PCSK5: variants seen among roughly 807,000 people sequenced by gnomAD.
PCSK5 encodes the protein prohormone convertase 5.
In PCSK5, 129 loss-of-function variants were observed where a neutral mutation model predicts 233.2. The ratio of observed to expected loss-of-function variants is 0.55; its 90% CI spans 0.48 to 0.64. The LOEUF is 0.64. PCSK5 is among the 30% of genes least tolerant of loss of function. The pLI is 0.00. For missense variants in PCSK5, 2,076 were observed against 2,430.1 expected (o/e 0.85, Z 3.06); for synonymous variants, 825 against 879.2 (o/e 0.94, Z 1.09).
intron 35 of PCSK5, among the ~76,000 whole-genome samples, chr9:76,342,306 G>T (rs1829856563): frequency 6.6e-6 from 1 of 152,088 alleles, no homozygotes. Context: ...ATGCCTGGTG[G>T]GATGGCAGGA....
intron 9 of PCSK5, among the ~76,000 whole-genome samples, chr9:76,125,467 A>T (rs984089624): frequency 4.6e-5 from 7 of 152,232 alleles, no homozygotes; most frequent in African/African-American, 1.7e-4. Context: ...TATGACTTTG[A>T]GGAAGATCGT....
Position 76,277,612 on chromosome 9 carries a change from T to A in PCSK5, c.3143-14621T>A, listed in dbSNP as rs143997800. On this transcript the variant is annotated intron_variant, in intron 24 of 37. Transcript: ENST00000674117. ...GTTGCACCATTTGCATTACTGCCGA[T>A]TCAAACATTTATTCATTATCCCTGG... is the stretch of plus-strand genomic sequence containing the variant. Among the ~76,000 whole-genome samples, 53 of 152,328 alleles carry A rather than the reference T, an allele frequency of 3.5e-4. 1 individual carries two copies. The highest frequency in any genetic ancestry group is 1.2e-3 in the African/African-American group (51 of 41,584).
chr9:76,292,378 G>A (rs1051824048), intron 25 of PCSK5, 103 bp downstream of exon 25: 20 of 764,066 alleles, frequency 2.6e-5, no homozygotes, highest in Non-Finnish European at 4.5e-5. Flanking sequence ...CCTGCAGCCC[G>A]AAGCAACTCT....
At chr9:76,175,426 T>C in intron 14 of PCSK5, 2 of 419,702 alleles carry the variant, frequency 4.8e-6, no homozygotes, top group Non-Finnish European at 8.4e-6. Context: ...CAAATATCCA[T>C]ATGTGTTATC....
intron 7 of PCSK5, among the ~76,000 whole-genome samples, chr9:76,086,060 A>C (rs777829144): frequency 2.0e-5 from 3 of 152,204 alleles, no homozygotes; most frequent in African/African-American, 7.2e-5. Context: ...CAGTTTCAAC[A>C]TTGGTAATCA....
At chr9:76,069,670 A>G (rs551080384) in intron 6 of PCSK5, among the ~76,000 whole-genome samples, 1 of 152,280 alleles carries the variant, frequency 6.6e-6, no homozygotes, top group Admixed American at 6.5e-5. Context: ...TATGATTTAC[A>G]AGCATTTTTT....
At chr9:75,965,429 A>G (rs555994918) in intron 2 of PCSK5, among the ~76,000 whole-genome samples, 1 of 152,262 alleles carries the variant, frequency 6.6e-6, no homozygotes, top group Non-Finnish European at 1.5e-5. Context: ...CCTGAGTCCA[A>G]AGGTCTGAGA....
chr9:76,130,109 A>C (rs1006523499), intron 9 of PCSK5, among the ~76,000 whole-genome samples: 4 of 152,150 alleles, frequency 2.6e-5, no homozygotes, highest in Non-Finnish European at 5.9e-5. Flanking sequence ...ACTATTATAA[A>C]AATCATATGA....
intron 35 of PCSK5, among the ~76,000 whole-genome samples, chr9:76,340,374 G>A (rs1390035464): frequency 1.3e-5 from 2 of 152,012 alleles, no homozygotes; most frequent in African/African-American, 2.4e-5. Flanking sequence ...AGCCAGGCGC[G>A]GTGGCTCACA....
chr9:75,951,446 A>G (rs542357184), intron 2 of PCSK5, among the ~76,000 whole-genome samples: 2 of 152,296 alleles, frequency 1.3e-5, no homozygotes, highest in South Asian at 2.1e-4. Flanking sequence ...GTCCAATTCA[A>G]GTGTGTAGTT....
intron 13 of PCSK5, among the ~76,000 whole-genome samples, chr9:76,171,404 C>G (rs1248405478): frequency 6.6e-6 from 1 of 152,130 alleles, no homozygotes; most frequent in Non-Finnish European, 1.5e-5. Flanking sequence ...AGTTGTGTAC[C>G]AAGGAAGGTG....
rs397703449 is a variant in PCSK5 at position 76,182,538 on chromosome 9, T to TTTC, written c.2197+947_2197+948insTTC. Among the ~76,000 whole-genome samples the TTTC allele has an allele frequency of 1.1e-3, 173 of 151,558 alleles. 1 individual carries two copies. The highest frequency in any genetic ancestry group is 3.8e-3 in the African/African-American group (156 of 41,376). Reference sequence around the variant, plus strand: ...AGAATTTGGGGGAGTGTTTTTTTTTTCTAATGAATAGGAGTAATTTGCAAC... The same window carrying TTTC: ...AGAATTTGGGGGAGTGTTTTTTTTTTTTCCTAATGAATAGGAGTAATTTGCAAC... On this transcript the variant is annotated intron_variant, in intron 16 of 37. Coordinates refer to ENST00000674117, the MANE Select transcript of PCSK5 (RefSeq NM_001372043.1).
intron 3 of PCSK5, among the ~76,000 whole-genome samples, chr9:76,019,631 A>G (rs1210620222): frequency 6.6e-6 from 1 of 152,160 alleles, no homozygotes; most frequent in Non-Finnish European, 1.5e-5. Context: ...ATGAGAACAT[A>G]ATAAAGGTAT....
chr9:76,068,599 T>A (rs1330334088), intron 6 of PCSK5, among the ~76,000 whole-genome samples: 1 of 152,218 alleles, frequency 6.6e-6, no homozygotes, highest in African/African-American at 2.4e-5. Flanking sequence ...TATGCAGGCA[T>A]GTATACGTAA....
chr9:75,939,722 TG>T (rs2131298482), intron 2 of PCSK5, among the ~76,000 whole-genome samples: 1 of 152,362 alleles, frequency 6.6e-6, no homozygotes, highest in East Asian at 1.9e-4. Context: ...GCTATGCATA[TG>T]TGGTTAATTA....
intron 24 of PCSK5, chr9:76,286,882 C>A (rs973237317): frequency 9.2e-5 from 20 of 217,962 alleles, no homozygotes; most frequent in African/African-American, 4.5e-4. Context: ...TAGTCTGCAG[C>A]CATTGGTGAT....
intron 1 of PCSK5, among the ~76,000 whole-genome samples, chr9:75,921,871 C>T (rs1181844962): frequency 6.6e-6 from 1 of 152,174 alleles, no homozygotes; most frequent in African/African-American, 2.4e-5. Flanking sequence ...CTGTTATAAA[C>T]ATACTGTAAG....
At chr9:76,115,659 C>T (rs541530326) in intron 9 of PCSK5, among the ~76,000 whole-genome samples, 1 of 152,156 alleles carries the variant, frequency 6.6e-6, no homozygotes, top group African/African-American at 2.4e-5. Context: ...GAGAAGATGA[C>T]TTTTTTAGGG....
At chr9:75,958,381 G>A (rs1324238418) in intron 2 of PCSK5, among the ~76,000 whole-genome samples, 2 of 152,122 alleles carry the variant, frequency 1.3e-5, no homozygotes, top group African/African-American at 2.4e-5. Context: ...AGAATGAAAC[G>A]AGTTTATTAG....
Sources: allele counts gnomAD v4.1 joint callset (sites outside exome capture counted in the v4.1 genomes callset), GRCh38; gene constraint gnomAD v4.1.1; transcripts MANE v1.5; gene names NCBI Gene and HGNC (gene_info 2026-07-23, HGNC 2026-07-21).